The following CPED1 variants were observed in gnomAD, a reference collection of about 807,000 sequenced individuals.
CPED1 encodes the protein cadherin like and PC-esterase domain containing 1.
A neutral mutation model predicts 128.2 loss-of-function variants in CPED1; 114 were observed. That is an observed-to-expected ratio of 0.89 (90% CI 0.76 to 1.04). CPED1 has a LOEUF of 1.04. Among genes scored for constraint, CPED1 ranks in the 50% least tolerant of loss-of-function variants. The pLI is 0.00. For missense variants in CPED1, 1,211 were observed against 1,207.1 expected (o/e 1.00, Z -0.05); for synonymous variants, 462 against 426.7 (o/e 1.08, Z -1.02).
chr7:121,244,213 G>T lies in CPED1; in HGVS notation c.2185G>T (p.Val729Leu). The T allele has an allele frequency of 1.2e-6, 2 of 1,614,184 alleles. No individual in the cohort carries two copies. The highest frequency in any genetic ancestry group is 8.5e-7 in the Non-Finnish European group (1 of 1,180,016). Residue 729 changes from valine to leucine, a missense_variant, in exon 18 of 23, where the codon GTG becomes TTG. Coordinates refer to ENST00000310396, the MANE Select transcript of CPED1 (RefSeq NM_024913.5). ...GCCATCTATTCCAGGCCAGTGGATT[G>T]TGCCTTGCCTTAGTTGTTCGGACAA... is the stretch of plus-strand genomic sequence containing the variant. ...PSGDMKGQWIVPCLSCSDNRT... is the reference protein window; with the variant it reads ...PSGDMKGQWILPCLSCSDNRT...
intron 2 of CPED1, among the ~76,000 whole-genome samples, chr7:121,010,965 A>G (rs1332925775): frequency 1.3e-5 from 2 of 152,324 alleles, no homozygotes; most frequent in African/African-American, 4.8e-5. Flanking sequence ...ATAAGAGTAC[A>G]TTTCACCAGT....
In CPED1 at chr7:121,047,646, TTTCTTCTTCTTCTTC is replaced by T. The variant is rs201842531; in HGVS notation, c.540+710_540+724del. On this transcript the variant is annotated intron_variant, in intron 4 of 22. Transcript: ENST00000310396. Reference sequence around the variant, plus strand: ...TACAATTCGCCATCTAGATAGCACCTTTCTTCTTCTTCTTCTTCTTCTTCTTCTTCTTCTTCTTCT... The same window carrying T: ...TACAATTCGCCATCTAGATAGCACCTTTCTTCTTCTTCTTCTTCTTCTTCT... Among the ~76,000 whole-genome samples the T allele has an allele frequency of 8.0e-3, 985 of 123,046 alleles. 23 individuals carry two copies. The highest frequency in any genetic ancestry group is 0.016 in the Middle Eastern group (4 of 258). 80.7% of individuals were successfully genotyped at this position (123,046 alleles called of 152,430 possible).
intron 18 of CPED1, among the ~76,000 whole-genome samples, chr7:121,264,203 T>C (rs1792079076): frequency 6.6e-6 from 1 of 152,046 alleles, no homozygotes; most frequent in Non-Finnish European, 1.5e-5. Context: ...ATGAGAAAAT[T>C]AATTTCTGTT....
intron 5 of CPED1, among the ~76,000 whole-genome samples, chr7:121,096,776 T>C (rs1255530552): frequency 2.6e-5 from 4 of 152,168 alleles, no homozygotes; most frequent in African/African-American, 9.6e-5. Flanking sequence ...TAACTCTGAA[T>C]ATGCTGATAT....
chr7:120,996,765 A>C (rs1289899893), intron 2 of CPED1, among the ~76,000 whole-genome samples: 2 of 152,176 alleles, frequency 1.3e-5, no homozygotes, highest in Non-Finnish European at 2.9e-5. Flanking sequence ...CTATCTTCAC[A>C]ATCTCAATGC....
intron 16 of CPED1, among the ~76,000 whole-genome samples, chr7:121,158,989 T>G (rs898528768): frequency 3.3e-5 from 5 of 152,160 alleles, no homozygotes; most frequent in African/African-American, 1.2e-4. Flanking sequence ...CAATAATAAT[T>G]TCCAGCTATC....
intron 16 of CPED1, among the ~76,000 whole-genome samples, chr7:121,189,760 T>TATATATATATA (rs1797086934): frequency 1.5e-4 from 7 of 47,468 alleles, no homozygotes; most frequent in Non-Finnish European, 1.9e-4. Flanking sequence ...TTATGAGGTT[T>TATATATATATA]TATATATATA....
chr7:121,258,080 A>C (rs1396544494), intron 18 of CPED1, among the ~76,000 whole-genome samples: 1 of 152,080 alleles, frequency 6.6e-6, no homozygotes, highest in Non-Finnish European at 1.5e-5. Context: ...CCACCAGATG[A>C]AATGATTCTT....
intron 2 of CPED1, among the ~76,000 whole-genome samples, chr7:120,990,793 C>T (rs895402493): frequency 1.3e-5 from 2 of 152,154 alleles, no homozygotes; most frequent in South Asian, 2.1e-4. Context: ...TGCCGGTTAC[C>T]GTTTGAAGTA....
chr7:121,141,031 G>C lies in CPED1; in HGVS notation c.1886+18G>C. On this transcript the variant is annotated intron_variant, in intron 15 of 22. Transcript: ENST00000310396. ...GGGCCAAGGTATGAGATGTTGACTG[G>C]GGCTGTGTTGAGACACTATACTGGG... 6.3e-7 allele frequency: 1 copy of C among 1,591,522 alleles called. No homozygotes were observed. The highest frequency in any genetic ancestry group is 2.3e-5 in the East Asian group (1 of 44,336).
chr7:121,073,671 G>A, intron 5 of CPED1, among the ~76,000 whole-genome samples: 1 of 152,110 alleles, frequency 6.6e-6, no homozygotes, highest in African/African-American at 2.4e-5. Context: ...TTCATGATCT[G>A]GTACTTGTTT....
At chr7:121,226,279 C>T (rs1434853461) in intron 16 of CPED1, among the ~76,000 whole-genome samples, 1 of 151,996 alleles carries the variant, frequency 6.6e-6, no homozygotes, top group Admixed American at 6.6e-5. Context: ...AAGTCCACTC[C>T]AGATCCTGTT....
In CPED1 at chr7:121,058,904, A is replaced by C. The variant is rs74901573; in HGVS notation, c.541-5334A>C. Among the ~76,000 whole-genome samples, 1,099 of 152,318 alleles carry C rather than the reference A, an allele frequency of 7.2e-3. 11 individuals carry two copies. Among genetic ancestry groups the C allele is most frequent in the African/African-American group, 0.024 (988 of 41,576 alleles). ...TAACCTTATAATGAACAAAGAGAGG[A>C]CACTGGCTCAAATTAAGATTACTAA... On this transcript the variant is annotated intron_variant, in intron 4 of 22. Coordinates refer to ENST00000310396, the MANE Select transcript of CPED1 (RefSeq NM_024913.5).
At chr7:121,188,120 T>C (rs1797045748) in intron 16 of CPED1, among the ~76,000 whole-genome samples, 1 of 152,192 alleles carries the variant, frequency 6.6e-6, no homozygotes, top group Non-Finnish European at 1.5e-5. Context: ...TTTAGAAATA[T>C]ATATCGAAGC....
intron 16 of CPED1, among the ~76,000 whole-genome samples, chr7:121,188,787 G>T (rs1355408903): frequency 6.6e-6 from 1 of 152,082 alleles, no homozygotes; most frequent in Non-Finnish European, 1.5e-5. Context: ...AGTTAAGATG[G>T]GGACAGAAAA....
At chr7:121,014,744 T>C (rs930564433) in intron 2 of CPED1, among the ~76,000 whole-genome samples, 3 of 151,978 alleles carry the variant, frequency 2.0e-5, no homozygotes, top group African/African-American at 7.2e-5. Context: ...AGATTCCCAA[T>C]TGTGTTTTTT....
intron 16 of CPED1, among the ~76,000 whole-genome samples, chr7:121,184,516 AT>A (rs1352571214): frequency 2.8e-4 from 42 of 152,262 alleles, no homozygotes; most frequent in Admixed American, 8.5e-4. Context: ...GAAGGAACCC[AT>A]TTTTCCTCTT....
rs775403384 is a variant in CPED1, at chr7:121,127,149, A to G, written c.1194A>G (p.Thr398=). The change falls in exon 10 of 23, where the codon ACA becomes ACG. Residue 398 remains threonine (T), a synonymous_variant. Transcript: ENST00000310396. ...YDNMDFEDQN[T]EEFLLNDTFN... is the part of the protein sequence containing the mutation. ...ATATGGATTTTGAGGACCAAAATACAGAAGAATTCCTTTTAAATGACACTT... is the reference window on the plus strand; with the variant it reads ...ATATGGATTTTGAGGACCAAAATACGGAAGAATTCCTTTTAAATGACACTT... 5 of 1,598,738 alleles carry G rather than the reference A, an allele frequency of 3.1e-6. No homozygotes were observed. The highest frequency in any genetic ancestry group is 8.6e-7 in the Non-Finnish European group (1 of 1,168,580).
At chr7:121,080,517 C>A (rs1279166895) in intron 5 of CPED1, among the ~76,000 whole-genome samples, 1 of 152,088 alleles carries the variant, frequency 6.6e-6, no homozygotes, top group Non-Finnish European at 1.5e-5. Context: ...CCATCAGGGG[C>A]TCTGCCTGGG....
Sources: allele counts gnomAD v4.1 joint callset (sites outside exome capture counted in the v4.1 genomes callset), GRCh38; gene constraint gnomAD v4.1.1; transcripts MANE v1.5; gene names NCBI Gene and HGNC (gene_info 2026-07-23, HGNC 2026-07-21).